The following PBX3 variants were observed in gnomAD, a reference collection of about 807,000 sequenced individuals.
PBX3 encodes pre-B-cell leukemia transcription factor 3.
PBX3 carries 14 observed loss-of-function variants against 48.5 expected under a neutral mutation model. The ratio of observed to expected loss-of-function variants is 0.29; its 90% CI spans 0.19 to 0.45. The LOEUF is 0.45. Ranked by LOEUF, PBX3 falls within the 20% of genes least tolerant of loss-of-function variation. The probability of loss-of-function intolerance (pLI) is 1.00; values close to 1 mark genes in which losing one functional copy is unlikely to be tolerated. For synonymous variants in PBX3, 210 were observed against 200.3 expected, an observed-to-expected ratio of 1.05 and a Z score of -0.41; for missense variants, 386 against 546.7, an observed-to-expected ratio of 0.71 and a Z score of 2.93.
intron 5 of PBX3, among the ~76,000 whole-genome samples, chr9:125,953,334 G>A (rs1423038935): frequency 6.6e-6 from 1 of 152,126 alleles, no homozygotes; most frequent in East Asian, 1.9e-4. Context: ...AAAATTAGCC[G>A]GCCGTAGTGA....
chr9:125,945,584 T>C (rs1176470625), intron 5 of PBX3, among the ~76,000 whole-genome samples: 1 of 152,200 alleles, frequency 6.6e-6, no homozygotes, highest in Non-Finnish European at 1.5e-5. Flanking sequence ...GATGGTAAAC[T>C]CGATTTTGGC....
At chr9:125,750,469 ACACCATT>A (rs1366952306) in intron 2 of PBX3, among the ~76,000 whole-genome samples, 1 of 152,264 alleles carries the variant, frequency 6.6e-6, no homozygotes, top group Non-Finnish European at 1.5e-5. Context: ...GGACTTAGTT[ACACCATT>A]CTGAAAGGAA....
intron 5 of PBX3, among the ~76,000 whole-genome samples, chr9:125,940,058 T>A (rs1346027357): frequency 6.6e-6 from 1 of 152,112 alleles, no homozygotes; most frequent in Non-Finnish European, 1.5e-5. Flanking sequence ...GGTGCATGCA[T>A]GTAATCCCAC....
chr9:125,891,658 A>G (rs182978192), intron 2 of PBX3, among the ~76,000 whole-genome samples: 56 of 152,346 alleles, frequency 3.7e-4, no homozygotes, highest in Non-Finnish European at 6.2e-4. Context: ...AAACATCTCT[A>G]TTCTTTAAAA....
intron 2 of PBX3, among the ~76,000 whole-genome samples, chr9:125,890,602 C>G (rs980033541): frequency 2.0e-5 from 3 of 152,184 alleles, no homozygotes; most frequent in Admixed American, 1.3e-4. Context: ...TGACTTGGCT[C>G]TAGTCAAGAA....
chr9:125,826,310 A>G (rs1163905134), intron 2 of PBX3, among the ~76,000 whole-genome samples: 3 of 152,160 alleles, frequency 2.0e-5, no homozygotes, highest in Non-Finnish European at 4.4e-5. Flanking sequence ...TCATATCTTG[A>G]TTATTTGTCA....
chr9:125,889,082 T>TA (rs1163753222), intron 2 of PBX3, among the ~76,000 whole-genome samples: 4 of 152,206 alleles, frequency 2.6e-5, no homozygotes, highest in Admixed American at 1.3e-4. Context: ...AAAATGGCCT[T>TA]AACGTAATTT....
chr9:125,806,085 T>A (rs776315163), intron 2 of PBX3, among the ~76,000 whole-genome samples: 1 of 152,180 alleles, frequency 6.6e-6, no homozygotes, highest in Non-Finnish European at 1.5e-5. Flanking sequence ...GTGTTGAAAT[T>A]TTAAAATGTT....
At chr9:125,943,109 G>A (rs1406437027) in intron 5 of PBX3, among the ~76,000 whole-genome samples, 1 of 152,100 alleles carries the variant, frequency 6.6e-6, no homozygotes, top group Non-Finnish European at 1.5e-5. Flanking sequence ...GCTCACACCT[G>A]TAATCCCAGT....
chr9:125,920,528 T>C (rs887056215), intron 3 of PBX3, among the ~76,000 whole-genome samples: 24 of 152,216 alleles, frequency 1.6e-4, no homozygotes, highest in African/African-American at 5.8e-4. Context: ...GGAAAAGATA[T>C]ATAATGCTCT....
At chr9:125,833,211 C>T (rs1839016566) in intron 2 of PBX3, among the ~76,000 whole-genome samples, 1 of 152,012 alleles carries the variant, frequency 6.6e-6, no homozygotes, top group Non-Finnish European at 1.5e-5. Flanking sequence ...ATTGGCCAGG[C>T]GTGGTGACTC....
At chr9:125,846,416 T>G (rs1327962078) in intron 2 of PBX3, among the ~76,000 whole-genome samples, 1 of 152,040 alleles carries the variant, frequency 6.6e-6, no homozygotes, top group Non-Finnish European at 1.5e-5. Flanking sequence ...CTTAAAAAGA[T>G]TTATTTTCAA....
At chr9:125,774,704 G>C (rs374693569) in intron 2 of PBX3, among the ~76,000 whole-genome samples, 23 of 151,816 alleles carry the variant, frequency 1.5e-4, no homozygotes, top group African/African-American at 5.1e-4. Context: ...GTGCTGTTCA[G>C]AATGTTTGTG....
At chr9:125,816,468 TACATTGTTCGGAGTG>T (rs1838466915) in intron 2 of PBX3, among the ~76,000 whole-genome samples, 1 of 152,258 alleles carries the variant, frequency 6.6e-6, no homozygotes, top group African/African-American at 2.4e-5. Context: ...ATGGTGCTTT[TACATTGTTCGGAGTG>T]ATTTTATCTG....
intron 2 of PBX3, among the ~76,000 whole-genome samples, chr9:125,885,127 A>G (rs1448573218): frequency 6.6e-6 from 1 of 152,160 alleles, no homozygotes; most frequent in Non-Finnish European, 1.5e-5. Flanking sequence ...GTGCTCCTTG[A>G]TACCAGCACA....
intron 2 of PBX3, among the ~76,000 whole-genome samples, chr9:125,798,902 T>G (rs1837859553): frequency 6.6e-6 from 1 of 152,016 alleles, no homozygotes; most frequent in African/African-American, 2.4e-5. Flanking sequence ...TAATATACAT[T>G]GTTAAATAAT....
intron 2 of PBX3, among the ~76,000 whole-genome samples, chr9:125,870,698 C>A (rs766812729): frequency 3.3e-5 from 5 of 152,182 alleles, no homozygotes; most frequent in African/African-American, 7.2e-5. Flanking sequence ...GATTAAAGAA[C>A]AAGATAACTT....
At chr9:125,784,005 G>GA (rs767997813) in intron 2 of PBX3, among the ~76,000 whole-genome samples, 5 of 151,900 alleles carry the variant, frequency 3.3e-5, no homozygotes, top group Non-Finnish European at 7.4e-5. Context: ...TGTTTCAAAA[G>GA]AAAAAAACAA....
intron 2 of PBX3, among the ~76,000 whole-genome samples, chr9:125,894,826 A>G (rs1416002115): frequency 2.0e-5 from 3 of 152,100 alleles, no homozygotes; most frequent in Non-Finnish European, 4.4e-5. Flanking sequence ...TGAGACAGCT[A>G]TAGCTTCGTG....
Sources: gnomAD v4.1 joint callset for allele counts (sites outside exome capture counted in the v4.1 genomes callset) on GRCh38, gnomAD v4.1.1 for gene constraint, MANE v1.5 for transcripts, NCBI Gene and HGNC (gene_info 2026-07-23, HGNC 2026-07-21) for gene names.